Variants in TNFSF8 observed in about 807,000 individuals in gnomAD.
TNFSF8 encodes tumor necrosis factor ligand superfamily member 8.
In TNFSF8, 4 loss-of-function variants were observed where a neutral mutation model predicts 22.0. That is an observed-to-expected ratio of 0.18 (90% CI 0.09 to 0.42). The LOEUF (loss-of-function observed/expected upper bound fraction) is 0.42, where lower values mean the gene tolerates loss of function less well. Among genes scored for constraint, TNFSF8 ranks in the 10% least tolerant of loss-of-function variants. The pLI is 1.00. For missense variants in TNFSF8, 233 were observed against 281.8 expected, an observed-to-expected ratio of 0.83 and a Z score of 1.24; for synonymous variants, 106 against 112.5, an observed-to-expected ratio of 0.94 and a Z score of 0.37.
chr9:114,909,977 G>A (rs1247579096), intron 2 of TNFSF8, among the ~76,000 whole-genome samples: 2 of 152,220 alleles, frequency 1.3e-5, no homozygotes, highest in Non-Finnish European at 2.9e-5. Context: ...GTCATCCAGA[G>A]AGTTAGTGAG....
In TNFSF8 at chr9:114,913,897, C is replaced by G. The variant is rs1019494897; in HGVS notation, c.238+4199G>C. Among the ~76,000 whole-genome samples the G allele has an allele frequency of 2.0e-5, 3 of 152,282 alleles. No homozygotes were observed. The East Asian group carries it at 5.8e-4, about 29-fold the overall frequency. On this transcript the variant is annotated intron_variant, in intron 2 of 3. Coordinates refer to ENST00000223795, the MANE Select transcript of TNFSF8 (RefSeq NM_001244.4). Reference sequence around the variant, plus strand: ...TTCATTATTCTCACTCTGCCGTGGCCTCATACGGATGCAATGAGGGAGTAC... The same window carrying G: ...TTCATTATTCTCACTCTGCCGTGGCGTCATACGGATGCAATGAGGGAGTAC...
At chr9:114,894,804 AG>A (rs765981152) in intron 4 of TNFSF8, among the ~76,000 whole-genome samples, 120 of 152,208 alleles carry the variant, frequency 7.9e-4, no homozygotes, top group Non-Finnish European at 3.7e-4. Flanking sequence ...GAGGATGAAA[AG>A]ACCAGATGCA....
intron 1 of TNFSF8, 21 bp downstream of exon 1, chr9:114,930,088 G>C (rs1277756198): frequency 7.0e-7 from 1 of 1,438,784 alleles, no homozygotes; most frequent in South Asian, 1.5e-5. Flanking sequence ...AAAGGAAAGG[G>C]AGGAAGAGGA....
In TNFSF8 at chr9:114,902,164, G is replaced by A. The variant is rs2295801; in HGVS notation, c.*1767C>T. ...AAAGATGATGTACAGATGCCAAGTT[G>A]GATATAGCTAGAGAAATCTCATGGC... On this transcript the variant is annotated 3_prime_UTR_variant, in exon 4 of 4. Transcript: ENST00000223795. 8.6e-4 allele frequency: 845 copies of A among 985,346 alleles called. 29 individuals are homozygous for A. The East Asian group carries it at 0.07, about 82-fold the overall frequency. The allele number at this position is 985,346 out of a possible 1,614,324, so 61.0% of individuals were successfully genotyped here. A position where few individuals can be genotyped will look rare whatever the true frequency, so the allele number is the denominator to read the frequency against.
intron 1 of TNFSF8, among the ~76,000 whole-genome samples, chr9:114,919,945 A>G (rs112340282): frequency 2.0e-5 from 3 of 152,140 alleles, no homozygotes; most frequent in African/African-American, 7.2e-5. Context: ...CAGCTTAAAC[A>G]TTTGGGCCCT....
chr9:114,923,522 C>CTTTCTTTCTTTCTTTCTTTCTTTCT (rs758823996), intron 1 of TNFSF8, among the ~76,000 whole-genome samples: 48 of 89,726 alleles, frequency 5.3e-4, no homozygotes, highest in African/African-American at 1.2e-3. Flanking sequence ...TTCTTTCTTT[C>CTTTCTTTCTTTCTTTCTTTCTTTCT]TTTTTTTTTT....
intron 2 of TNFSF8, among the ~76,000 whole-genome samples, chr9:114,908,292 A>G (rs1018727334): frequency 6.6e-6 from 1 of 152,212 alleles, no homozygotes; most frequent in African/African-American, 2.4e-5. Context: ...ATACAGAGTA[A>G]GTACTTAGGA....
chr9:114,898,519 A>G (rs1827680779), downstream of TNFSF8, among the ~76,000 whole-genome samples: 2 of 152,134 alleles, frequency 1.3e-5, no homozygotes. Context: ...GAACTAGGAA[A>G]CTGGAGGAAT....
chr9:114,930,173 G>T lies in TNFSF8; in HGVS notation c.131C>A (p.Ala44Asp). ...GAAGACAAGGCACAGAGCCAGAGTGGCTGTGGTCAAATAGAAATAGCTGCG... is the reference window on the plus strand; with the variant it reads ...GAAGACAAGGCACAGAGCCAGAGTGTCTGTGGTCAAATAGAAATAGCTGCG... ...TSRSYFYLTT[A>D]TLALCLVFTV... The change falls in exon 1 of 4, where the codon GCC becomes GAC. Residue 44 changes from alanine to aspartate, a missense_variant. Coordinates refer to ENST00000223795, the MANE Select transcript of TNFSF8 (RefSeq NM_001244.4). 1.2e-6 allele frequency: 2 copies of T among 1,604,856 alleles called. No homozygotes were observed. The highest frequency in any genetic ancestry group is 1.7e-6 in the Non-Finnish European group (2 of 1,175,546).
In TNFSF8 at chr9:114,901,155, G is replaced by A. The variant is rs932943230; in HGVS notation, c.*2776C>T. 2.0e-6 allele frequency: 2 copies of A among 985,180 alleles called. No homozygotes were observed. The highest frequency in any genetic ancestry group is 2.4e-6 in the Non-Finnish European group (2 of 829,818). The allele number at this position is 985,180 out of a possible 1,614,324, so 61.0% of individuals were successfully genotyped here. On this transcript the variant is annotated 3_prime_UTR_variant, in exon 4 of 4. Coordinates refer to ENST00000223795, the MANE Select transcript of TNFSF8 (RefSeq NM_001244.4). ...TTTAGGTAGCCTGAGTTCCCAGTTA[G>A]ATAAATTATTTATTTTACTTGCATA...
At chr9:114,929,378 C>T (rs3181359) in intron 1 of TNFSF8, among the ~76,000 whole-genome samples, 26,662 of 145,346 alleles carry the variant, frequency 0.18, 6,265 homozygotes, top group African/African-American at 0.55. Flanking sequence ...TTTTTTGTGA[C>T]GCCCTAACTT....
intron 1 of TNFSF8, 26 bp from the exon 2 acceptor site, chr9:114,918,164 G>T (rs1376783072): frequency 6.3e-7 from 1 of 1,595,218 alleles, no homozygotes; most frequent in Admixed American, 1.8e-5. Flanking sequence ...GAAAAAAGCA[G>T]CATGAGGTGT....
chr9:114,921,297 C>T (rs1827984839), intron 1 of TNFSF8, among the ~76,000 whole-genome samples: 1 of 152,134 alleles, frequency 6.6e-6, no homozygotes, highest in Non-Finnish European at 1.5e-5. Context: ...CCTAGCTACC[C>T]ATGGTAGTCA....
intron 4 of TNFSF8, among the ~76,000 whole-genome samples, chr9:114,894,898 C>A (rs1471115053): frequency 1.3e-5 from 2 of 152,136 alleles, no homozygotes; most frequent in African/African-American, 2.4e-5. Context: ...GTTTACTCAT[C>A]CCATTGTATT....
downstream of TNFSF8, among the ~76,000 whole-genome samples, chr9:114,899,348 T>TTTTA (rs1554775971): frequency 1.4e-5 from 2 of 144,528 alleles, no homozygotes; most frequent in African/African-American, 5.4e-5. Flanking sequence ...AGTTATTATT[T>TTTTA]TTTTTTTTTT....
Position 114,903,882 on chromosome 9 carries a change from T to C in TNFSF8, c.*49A>G, listed in dbSNP as rs1367951990. On this transcript the variant is annotated 3_prime_UTR_variant, in exon 4 of 4. Coordinates refer to ENST00000223795, the MANE Select transcript of TNFSF8 (RefSeq NM_001244.4). ...TGCCCAAGTGTTTGGAGGGATGAAA[T>C]ACTGTATGGTAGAGAGGCGCTTTCT... 3.9e-6 allele frequency: 6 copies of C among 1,546,336 alleles called. No homozygotes were observed. The highest frequency in any genetic ancestry group is 2.2e-5 in the East Asian group (1 of 44,480).
intron 3 of TNFSF8, among the ~76,000 whole-genome samples, chr9:114,905,042 A>G (rs1827767784): frequency 6.6e-6 from 1 of 152,204 alleles, no homozygotes; most frequent in Admixed American, 6.5e-5. Context: ...TAAGCTGACA[A>G]GTTTGTGTTG....
chr9:114,923,118 A>G (rs4979472), intron 1 of TNFSF8, among the ~76,000 whole-genome samples: 86,648 of 151,750 alleles, frequency 0.57, 26,713 homozygotes, highest in African/African-American at 0.8. Context: ...AAATCTTTTT[A>G]TCATCTAGTT....
At chr9:114,896,439 T>C (rs1179004419), downstream of TNFSF8, among the ~76,000 whole-genome samples, 1 of 152,210 alleles carries the variant, frequency 6.6e-6, no homozygotes, top group African/African-American at 2.4e-5. Context: ...TTCTAAGGTA[T>C]ACCAAGGTTT....
Sources: gnomAD v4.1 joint callset for allele counts (sites outside exome capture counted in the v4.1 genomes callset) on GRCh38, gnomAD v4.1.1 for gene constraint, MANE v1.5 for transcripts, NCBI Gene and HGNC (gene_info 2026-07-23, HGNC 2026-07-21) for gene names.